NRIP1: variants seen among roughly 807,000 people sequenced by gnomAD.
NRIP1 encodes the protein nuclear receptor-interacting protein 1.
In NRIP1, 28 loss-of-function variants were observed where a neutral mutation model predicts 75.0. That is an observed-to-expected ratio of 0.37 (90% CI 0.28 to 0.51). The LOEUF (loss-of-function observed/expected upper bound fraction) is 0.51, where lower values mean the gene tolerates loss of function less well. NRIP1 is among the 20% of genes least tolerant of loss of function. The pLI, the probability that NRIP1 is intolerant of heterozygous loss-of-function variation, is 0.92. For synonymous variants in NRIP1, 526 were observed against 487.6 expected (o/e 1.08, Z -1.04); for missense variants, 1,435 against 1,343.7 (o/e 1.07, Z -1.06).
chr21:15,064,137 G>C (rs1442200041), intron 1 of NRIP1, among the ~76,000 whole-genome samples: 2 of 152,244 alleles, frequency 1.3e-5, no homozygotes, highest in Non-Finnish European at 2.9e-5. Flanking sequence ...CTAAATGGGG[G>C]CCGGCCCCTG....
chr21:15,023,328 T>C (rs1008968650), intron 2 of NRIP1, among the ~76,000 whole-genome samples: 2 of 152,244 alleles, frequency 1.3e-5, no homozygotes, highest in Non-Finnish European at 2.9e-5. Flanking sequence ...TTGTGTGCTT[T>C]TGAAGTTATG....
At position 15,054,870 on chromosome 21, in the gene NRIP1, G is replaced by A. The variant is rs147857887; in HGVS notation, c.-538+9875C>T. ...AACACAAGTTTAACTTTTACAATCA[G>A]GGCGTACACAAAACTGTGAAAGAAA... On this transcript the variant is annotated intron_variant, in intron 1 of 3. Transcript: ENST00000318948. 1.1e-4 allele frequency among the ~76,000 whole-genome samples: 16 copies of A among 152,302 alleles called. No homozygotes were observed. In the East Asian group the frequency reaches 3.1e-3, roughly 29 times the overall value.
At chr21:15,005,790 A>G (rs2087956649) in intron 3 of NRIP1, among the ~76,000 whole-genome samples, 1 of 152,222 alleles carries the variant, frequency 6.6e-6, no homozygotes, top group Non-Finnish European at 1.5e-5. Flanking sequence ...GCATTCTTTT[A>G]TAACAAATTA....
Position 14,966,010 on chromosome 21 carries a change from T to A in NRIP1, c.2183A>T (p.Lys728Ile), listed in dbSNP as rs2086726147. Residue 728 changes from lysine to isoleucine, a missense_variant, in exon 4 of 4, where the codon AAA (lysine) becomes ATA (isoleucine). By Grantham distance (102) the Lys-to-Ile change is moderately radical (BLOSUM62 -3). Coordinates refer to ENST00000318948, the MANE Select transcript of NRIP1 (RefSeq NM_003489.4). ...GNPNKGKSEKKEKTPLRDEST... is the reference protein window; with the variant it reads ...GNPNKGKSEKIEKTPLRDEST... ...TTCATCTCTTAAGGGAGTTTTCTCT[T>A]TTTTTTCACTCTTCCCTTTGTTGGG... The A allele has an allele frequency of 6.2e-7, 1 of 1,611,522 alleles. No homozygotes were observed. Among genetic ancestry groups the A allele is most frequent in the African/African-American group, 1.3e-5 (1 of 74,580 alleles).
At chr21:15,022,820 G>GA (rs2088411127) in intron 2 of NRIP1, among the ~76,000 whole-genome samples, 2 of 152,146 alleles carry the variant, frequency 1.3e-5, no homozygotes, top group Admixed American at 1.3e-4. Flanking sequence ...ATACAGAAGG[G>GA]AAATAAAAAC....
intron 2 of NRIP1, among the ~76,000 whole-genome samples, chr21:15,034,094 T>C (rs1401280275): frequency 6.6e-6 from 1 of 152,230 alleles, no homozygotes; most frequent in Non-Finnish European, 1.5e-5. Context: ...CTTTTGTTAC[T>C]ACCACAGGAT....
intron 2 of NRIP1, among the ~76,000 whole-genome samples, chr21:15,017,571 CCA>C (rs1472525030): frequency 3.3e-5 from 5 of 152,046 alleles, no homozygotes; most frequent in African/African-American, 1.2e-4. Flanking sequence ...ATTATTATCC[CCA>C]GTTTGTAGAT....
chr21:15,061,997 A>G (rs1163019551), intron 1 of NRIP1, among the ~76,000 whole-genome samples: 2 of 152,210 alleles, frequency 1.3e-5, no homozygotes, highest in African/African-American at 4.8e-5. Context: ...ATATGCGTTA[A>G]TTCATTTTTA....
chr21:14,972,362 T>C (rs1027988843), intron 3 of NRIP1, among the ~76,000 whole-genome samples: 2 of 152,222 alleles, frequency 1.3e-5, no homozygotes, highest in Non-Finnish European at 2.9e-5. Flanking sequence ...TGAGGCACGA[T>C]ACTAAATAGT....
chr21:15,042,204 T>C (rs1376864534), intron 2 of NRIP1, among the ~76,000 whole-genome samples: 2 of 152,234 alleles, frequency 1.3e-5, no homozygotes, highest in East Asian at 3.8e-4. Flanking sequence ...TACATCTGTA[T>C]TATAGTAAAA....
intron 3 of NRIP1, chr21:14,988,319 C>G (rs1047964807): frequency 6.6e-6 from 1 of 152,040 alleles, no homozygotes; most frequent in Non-Finnish European, 1.5e-5. Flanking sequence ...TTACTATTCA[C>G]AGACAAAGCT....
upstream of NRIP1, among the ~76,000 whole-genome samples, chr21:15,065,571 C>A (rs567942126): frequency 1.3e-5 from 2 of 152,154 alleles, no homozygotes; most frequent in South Asian, 2.1e-4. Flanking sequence ...CACCCACCCA[C>A]CCCCAATTTC....
intron 3 of NRIP1, among the ~76,000 whole-genome samples, chr21:14,979,397 T>C (rs1211586182): frequency 6.6e-6 from 1 of 152,132 alleles, no homozygotes; most frequent in South Asian, 2.1e-4. Flanking sequence ...TCAACTATGG[T>C]TTCCCCATCC....
intron 2 of NRIP1, among the ~76,000 whole-genome samples, chr21:15,026,196 TA>T (rs995424966): frequency 5.3e-5 from 8 of 152,104 alleles, no homozygotes; most frequent in East Asian, 1.9e-4. Context: ...TACAAATGCA[TA>T]AAAAAACAGT....
chr21:15,024,573 T>TGC (rs1038949892), intron 2 of NRIP1, among the ~76,000 whole-genome samples: 6 of 150,040 alleles, frequency 4.0e-5, no homozygotes, highest in Non-Finnish European at 5.9e-5. Flanking sequence ...CCAGAGTGTG[T>TGC]GTGTGTGTGT....
chr21:15,052,157 T>C (rs1001861787), intron 1 of NRIP1: 2 of 152,218 alleles, frequency 1.3e-5, no homozygotes, highest in Non-Finnish European at 2.9e-5. Flanking sequence ...ACGCTGATAC[T>C]GAAGCAAGGA....
intron 3 of NRIP1, among the ~76,000 whole-genome samples, chr21:14,969,029 C>T (rs555685503): frequency 1.3e-5 from 2 of 152,308 alleles, no homozygotes; most frequent in Admixed American, 6.5e-5. Flanking sequence ...TCATTTCTGA[C>T]ATCATCCCCC....
chr21:15,034,948 C>CTAT (rs2088798088), intron 2 of NRIP1, among the ~76,000 whole-genome samples: 2 of 152,152 alleles, frequency 1.3e-5, no homozygotes, highest in African/African-American at 2.4e-5. Flanking sequence ...CATTATCTTT[C>CTAT]TATAGCATTA....
chr21:15,035,481 G>A (rs1006643955), intron 2 of NRIP1, among the ~76,000 whole-genome samples: 2 of 151,304 alleles, frequency 1.3e-5, no homozygotes, highest in Admixed American at 6.6e-5. Context: ...ATGAAGAGAG[G>A]TTATACTAAT....
Sources: gnomAD v4.1 joint callset for allele counts (sites outside exome capture counted in the v4.1 genomes callset) on GRCh38, gnomAD v4.1.1 for gene constraint, MANE v1.5 for transcripts, NCBI Gene and HGNC (gene_info 2026-07-23, HGNC 2026-07-21) for gene names.